DNAH2: variants seen among roughly 807,000 people sequenced by gnomAD.
The protein encoded by DNAH2 is axonemal beta dynein heavy chain 2.
Under a neutral mutation model 523.5 loss-of-function variants are expected in DNAH2, and 323 were observed. The observed-to-expected ratio is 0.62, with a 90% CI of 0.56 to 0.68. The LOEUF (loss-of-function observed/expected upper bound fraction) is 0.68, where lower values mean the gene tolerates loss of function less well. Among genes scored for constraint, DNAH2 ranks in the 30% least tolerant of loss-of-function variants. The pLI, the probability that DNAH2 is intolerant of heterozygous loss-of-function variation, is 0.00. For missense variants in DNAH2, 4,907 were observed against 5,701.5 expected (o/e 0.86, Z 4.49); for synonymous variants, 2,093 against 2,177.4 (o/e 0.96, Z 1.08).
At chr17:7,817,449 C>G in intron 65 of DNAH2, 34 bp downstream of exon 65, 1 of 1,613,470 alleles carries the variant, frequency 6.2e-7, no homozygotes, top group East Asian at 2.2e-5. Flanking sequence ...AAGTAGGCTC[C>G]GAGACCAGGG....
intron 32 of DNAH2, among the ~76,000 whole-genome samples, chr17:7,777,128 CAAA>C (rs748410853): frequency 3.4e-5 from 3 of 87,940 alleles, no homozygotes; most frequent in Admixed American, 1.3e-4. Flanking sequence ...GACTCTGTCT[CAAA>C]AAAAAAAAAA....
At chr17:7,758,127 G>T (rs2075895952) in intron 13 of DNAH2, among the ~76,000 whole-genome samples, 1 of 152,200 alleles carries the variant, frequency 6.6e-6, no homozygotes, top group South Asian at 2.1e-4. Flanking sequence ...CCAGCTGCAT[G>T]TGGCTATTTC....
At chr17:7,822,972 C>A (rs2077901961) in intron 73 of DNAH2, among the ~76,000 whole-genome samples, 2 of 152,154 alleles carry the variant, frequency 1.3e-5, no homozygotes, top group South Asian at 4.2e-4. Context: ...TCCCCAGGAT[C>A]CCTGTATTCA....
At chr17:7,819,110 T>C in intron 71 of DNAH2, 47 bp downstream of exon 71, 1 of 1,597,852 alleles carries the variant, frequency 6.3e-7, no homozygotes, top group East Asian at 2.2e-5. Flanking sequence ...CCATCCAAGA[T>C]GCAACTCCAT....
rs966708480 is a variant in DNAH2, at chr17:7,805,369, T to C, written c.9418T>C (p.Trp3140Arg). Reference sequence around the variant, plus strand: ...GATTCTTCGAGGCAACGAGCCCACATGGGCAGAGGCCAAGAGGCAGCTAGG... The same window carrying C: ...GATTCTTCGAGGCAACGAGCCCACACGGGCAGAGGCCAAGAGGCAGCTAGG... The part of the protein sequence containing the change: ...VMILRGNEPT[W>R]AEAKRQLGEQ... Residue 3140 changes from tryptophan to arginine, a missense_variant, in exon 61 of 86, where the codon TGG becomes CGG. Around this residue, in one of 3 missense-constraint regions of DNAH2, gnomAD observed 1,851 missense variants for 2,139.4 expected, o/e 0.87. Transcript: ENST00000572933. 6.2e-7 allele frequency: 1 copy of C among 1,614,120 alleles called. No individual in the cohort carries two copies. Among genetic ancestry groups the C allele is most frequent in the Non-Finnish European group, 8.5e-7 (1 of 1,180,044 alleles).
At chr17:7,809,511 CTT>C (rs1225513305) in intron 63 of DNAH2, among the ~76,000 whole-genome samples, 14 of 152,194 alleles carry the variant, frequency 9.2e-5, no homozygotes, top group Non-Finnish European at 2.1e-4. Context: ...TCTCACAAAA[CTT>C]TGCTCTTTTA....
chr17:7,751,964 G>C (rs1054095549), intron 12 of DNAH2, among the ~76,000 whole-genome samples: 1 of 149,090 alleles, frequency 6.7e-6, no homozygotes, highest in Non-Finnish European at 1.5e-5. Context: ...TTGAGACTGA[G>C]TCTTGTTCTG....
chr17:7,809,847 A>C (rs1396300432), intron 63 of DNAH2, among the ~76,000 whole-genome samples: 2 of 151,900 alleles, frequency 1.3e-5, no homozygotes, highest in Non-Finnish European at 2.9e-5. Flanking sequence ...CCTTAAAAAA[A>C]AAAAAAAAGC....
rs766115115 is a variant in DNAH2, at chr17:7,823,866, C to T, written c.11362C>T (p.Arg3788Trp). The change falls in exon 75 of 86, where the codon CGG (arginine) becomes TGG (tryptophan). Residue 3788 changes from arginine (R) to tryptophan (W), a missense_variant. Coordinates refer to ENST00000572933, the MANE Select transcript of DNAH2 (RefSeq NM_020877.5). ...EWENACNEMQ[R>W]MLIVRSLRQD... ...GGAAAATGCCTGCAATGAAATGCAA[C>T]GGATGCTGATCGTTCGCTCCCTGCG... 21 of 1,614,012 alleles carry T rather than the reference C, an allele frequency of 1.3e-5. No individual in the cohort carries two copies. The highest frequency in any genetic ancestry group is 2.2e-5 in the East Asian group (1 of 44,896).
At chr17:7,811,053 A>G (rs1264049047) in intron 63 of DNAH2, among the ~76,000 whole-genome samples, 2 of 152,206 alleles carry the variant, frequency 1.3e-5, no homozygotes, top group Non-Finnish European at 1.5e-5. Flanking sequence ...TGTATCCCCA[A>G]GTCTGAACAT....
At position 7,816,730 on chromosome 17, in the gene DNAH2, G is replaced by T; in HGVS notation, c.9889G>T (p.Val3297Phe). 1 of 1,613,612 alleles carries T rather than the reference G, an allele frequency of 6.2e-7. No homozygotes were observed. Residue 3297 changes from valine to phenylalanine, a missense_variant, in exon 64 of 86, where the codon GTC (valine) becomes TTC (phenylalanine). Physicochemically the swap from Val to Phe is conservative, Grantham distance 50 (BLOSUM62 -1). Coordinates refer to ENST00000572933, the MANE Select transcript of DNAH2 (RefSeq NM_020877.5). ...CGAGAAGGCCAGATGGGAGGAGACA[G>T]TCCAGGTGAGATCAGCTGTACTACC... ...AGEKARWEET[V>F]QGLEEDLGYL...
In DNAH2 at chr17:7,818,335, G is replaced by T. The variant is rs1213840092; in HGVS notation, c.10411G>T (p.Gly3471Cys). Residue 3471 changes from glycine (G) to cysteine (C), a missense_variant, in exon 69 of 86, where the codon GGC becomes TGC. Gly to Cys is a radical substitution (Grantham distance 159). Transcript: ENST00000572933. ...RIGGRLLMRI[G>C]DKEVEYNTNF... ...AGGTGGTCGGCTGTTGATGCGCATT[G>T]GCGATAAGGAGGTGGAATATAATAC... The T allele has an allele frequency of 6.2e-7, 1 of 1,614,166 alleles. No individual in the cohort carries two copies. The highest frequency in any genetic ancestry group is 1.1e-5 in the South Asian group (1 of 91,072).
chr17:7,751,562 C>G (rs944760633), intron 12 of DNAH2, among the ~76,000 whole-genome samples: 9 of 151,984 alleles, frequency 5.9e-5, no homozygotes, highest in African/African-American at 2.2e-4. Context: ...TTGTTTTTTC[C>G]TGATGGCTAG....
Position 7,770,622 on chromosome 17 carries a change from G to T in DNAH2, c.4164G>T (p.Lys1388Asn), listed in dbSNP as rs769800913. 6.2e-7 allele frequency: 1 copy of T among 1,614,168 alleles called. No homozygotes were observed. The highest frequency in any genetic ancestry group is 8.5e-7 in the Non-Finnish European group (1 of 1,180,028). ...TQLDIVPYKD[K>N]GHHRLRGTEE... ...TCGACATAGTACCCTACAAGGATAA[G>T]GGCCATCATCGGCTCAGGTCAGGGG... Residue 1388 changes from lysine to asparagine, a missense_variant, in exon 26 of 86, where the codon AAG becomes AAT. By Grantham distance (94) the Lys-to-Asn change is moderately conservative. Around this residue, in one of 3 missense-constraint regions of DNAH2, gnomAD observed 2,806 missense variants for 3,190.8 expected, o/e 0.88. Transcript: ENST00000572933.
rs1300565666 is a variant in DNAH2 at position 7,777,597 on chromosome 17, T to C, written c.5210T>C (p.Phe1737Ser). 2.5e-6 allele frequency: 4 copies of C among 1,614,192 alleles called. No individual in the cohort carries two copies. The highest frequency in any genetic ancestry group is 3.4e-6 in the Non-Finnish European group (4 of 1,180,032). ...AGTGGCCTCATGGATGTCAATTCCT[T>C]TGACTGGCTCAGCCAACTTCGGTTC... is the stretch of plus-strand genomic sequence containing the variant. The part of the protein sequence containing the change: ...YKSGLMDVNS[F>S]DWLSQLRFYW... The change falls in exon 33 of 86, where the codon TTT becomes TCT. Residue 1737 changes from phenylalanine (F) to serine (S), a missense_variant. By Grantham distance (155) the Phe-to-Ser change is radical. This residue lies in a region of DNAH2 where 2,806 missense variants were observed against 3,190.8 expected (regional missense o/e 0.88). Coordinates refer to ENST00000572933, the MANE Select transcript of DNAH2 (RefSeq NM_020877.5).
rs578256481 is a variant in DNAH2, at chr17:7,740,069, G to C, written c.1376+131G>C. 4.6e-5 allele frequency: 35 copies of C among 767,164 alleles called. 1 individual carries two copies. Among genetic ancestry groups the C allele is most frequent in the South Asian group, 3.3e-4 (19 of 57,200 alleles). 47.5% of individuals were successfully genotyped at this position (767,164 alleles called of 1,614,324 possible). Reference sequence around the variant, plus strand: ...GATCGGGATCAGGGCGGTGGCCCGGGGGGGGGGACAGGAGAGAGTGCAGGG... The same window carrying C: ...GATCGGGATCAGGGCGGTGGCCCGGCGGGGGGGACAGGAGAGAGTGCAGGG... On this transcript the variant is annotated intron_variant, in intron 9 of 85. Coordinates refer to ENST00000572933, the MANE Select transcript of DNAH2 (RefSeq NM_020877.5).
chr17:7,817,908 T>C (rs762367765), intron 67 of DNAH2, 38 bp from the exon 68 acceptor site: 93 of 1,613,648 alleles, frequency 5.8e-5, no homozygotes, highest in Non-Finnish European at 7.3e-5. Flanking sequence ...GCCCCACCTC[T>C]CCCGTAGTGT....
In DNAH2 at chr17:7,833,489, TGGATCAA is replaced by T; in HGVS notation, c.13242_13248del (p.Trp4414Ter). ...GTCTGGGGCCATGACACCTGATCAT[TGGATCAA>T]GAGGGGCACTGCTCTACTCATGAGC... On this transcript the variant is annotated frameshift_variant, in exon 86 of 86. Coordinates refer to ENST00000572933, the MANE Select transcript of DNAH2 (RefSeq NM_020877.5). LOFTEE classifies it high-confidence loss of function. 1 of 1,614,090 alleles carries T rather than the reference TGGATCAA, an allele frequency of 6.2e-7. No individual in the cohort carries two copies. Among genetic ancestry groups the T allele is most frequent in the Non-Finnish European group, 8.5e-7 (1 of 1,180,024 alleles).
In DNAH2 at chr17:7,759,130, G is replaced by A. The variant is rs1481499876; in HGVS notation, c.2448+6G>A. The stretch of plus-strand genomic sequence containing the variant: ...TCAAGAATGATGGTCCTGAGGTAGG[G>A]TTCCTGTGGCCAGGATGTTGTGGTT... On this transcript the variant is annotated splice_donor_region_variant and intron_variant, in intron 15 of 85. Coordinates refer to ENST00000572933, the MANE Select transcript of DNAH2 (RefSeq NM_020877.5). 2 of 1,613,504 alleles carry A rather than the reference G, an allele frequency of 1.2e-6. No homozygotes were observed. Among genetic ancestry groups the A allele is most frequent in the South Asian group, 1.1e-5 (1 of 91,060 alleles).
Sources: allele counts gnomAD v4.1 joint callset (sites outside exome capture counted in the v4.1 genomes callset), GRCh38; gene constraint gnomAD v4.1.1; regional missense constraint gnomAD v4.1.1; transcripts MANE v1.5; gene names NCBI Gene and HGNC (gene_info 2026-07-23, HGNC 2026-07-21).